The following VIPAS39 variants were observed in gnomAD, a reference collection of about 807,000 sequenced individuals.
The protein encoded by VIPAS39 is spermatogenesis-defective protein 39 homolog.
A neutral mutation model predicts 84.7 loss-of-function variants in VIPAS39; 63 were observed. The observed-to-expected ratio is 0.74, with a 90% CI of 0.61 to 0.92. VIPAS39 has a LOEUF of 0.92. Ranked by LOEUF, VIPAS39 falls within the 40% of genes least tolerant of loss-of-function variation. The probability of loss-of-function intolerance (pLI) is 0.00; values close to 1 mark genes in which losing one functional copy is unlikely to be tolerated. For synonymous variants in VIPAS39, 192 were observed against 216.5 expected (o/e 0.89, Z 0.99); for missense variants, 499 against 604.5 (o/e 0.83, Z 1.83).
In VIPAS39 at chr14:77,429,842, G is replaced by C. The variant is rs184535012; in HGVS notation, c.1180-75C>G. ...CATTCTAGGTTAGTCTATGTTTTAC[G>C]ATCAGACCAGAATAATGTGGTGGGT... On this transcript the variant is annotated intron_variant, in intron 16 of 19. Coordinates refer to ENST00000557658, the MANE Select transcript of VIPAS39 (RefSeq NM_001193315.2). The C allele has an allele frequency of 6.1e-6, 8 of 1,306,056 alleles. No individual in the cohort carries two copies. The East Asian group carries it at 1.6e-4, about 26-fold the overall frequency. 80.9% of individuals were successfully genotyped at this position (1,306,056 alleles called of 1,614,324 possible). A position where few individuals can be genotyped will look rare whatever the true frequency, so the allele number is the denominator to read the frequency against.
chr14:77,443,315 T>C (rs1042002203), intron 8 of VIPAS39, among the ~76,000 whole-genome samples, 163 bp from the exon 9 acceptor site: 3 of 152,196 alleles, frequency 2.0e-5, no homozygotes, highest in Admixed American at 2.0e-4. Flanking sequence ...AACTGAGCTG[T>C]GTCTTGAGAG....
intron 3 of VIPAS39, 112 bp from the exon 4 acceptor site, chr14:77,451,445 A>T: frequency 6.6e-7 from 1 of 1,512,466 alleles, no homozygotes; most frequent in East Asian, 2.3e-5. Context: ...CCCTTGGCCA[A>T]CTTGGGGCAG....
intron 15 of VIPAS39, 40 bp downstream of exon 15, chr14:77,434,222 C>T: frequency 1.9e-6 from 3 of 1,590,086 alleles, no homozygotes; most frequent in Non-Finnish European, 1.7e-6. Flanking sequence ...TGTAGTTACC[C>T]TGATCACTAG....
chr14:77,445,248 C>T (rs896772489), intron 7 of VIPAS39, among the ~76,000 whole-genome samples: 5 of 152,226 alleles, frequency 3.3e-5, no homozygotes, highest in Non-Finnish European at 7.3e-5. Context: ...CGTGAGCCAC[C>T]ATGCCCAGCC....
At chr14:77,440,806 C>T (rs1458238140) in intron 11 of VIPAS39, among the ~76,000 whole-genome samples, 1 of 152,196 alleles carries the variant, frequency 6.6e-6, no homozygotes, top group African/African-American at 2.4e-5. Flanking sequence ...GCAACCTCCC[C>T]ATCCCAGGTT....
intron 1 of VIPAS39, among the ~76,000 whole-genome samples, chr14:77,456,436 G>C (rs766040072): frequency 3.9e-5 from 6 of 152,216 alleles, no homozygotes; most frequent in Non-Finnish European, 7.3e-5. Flanking sequence ...ACACATGTCA[G>C]TTCATAAATC....
intron 6 of VIPAS39, 53 bp from the exon 7 acceptor site, chr14:77,448,603 A>G: frequency 6.3e-7 from 1 of 1,579,416 alleles, no homozygotes; most frequent in Non-Finnish European, 8.7e-7. Flanking sequence ...CAAATTTATC[A>G]GCATACCCGC....
chr14:77,457,165 C>G lies in VIPAS39; in HGVS notation c.-1+330G>C. ...ACAGGTGAGGCTTGTGAACTGAGACCAGGGAACAAGAGTTAAGCTAGGATG... is the reference window on the plus strand; with the variant it reads ...ACAGGTGAGGCTTGTGAACTGAGACGAGGGAACAAGAGTTAAGCTAGGATG... On this transcript the variant is annotated intron_variant, in intron 1 of 19. Coordinates refer to ENST00000557658, the MANE Select transcript of VIPAS39 (RefSeq NM_001193315.2). 2 of 1,448,022 alleles carry G rather than the reference C, an allele frequency of 1.4e-6. 1 individual carries two copies. Among genetic ancestry groups the G allele is most frequent in the East Asian group, 5.0e-5 (2 of 40,100 alleles). 89.7% of individuals were successfully genotyped at this position (1,448,022 alleles called of 1,614,324 possible).
rs769744188 is a variant in VIPAS39 at position 77,428,384 on chromosome 14, G to C, written c.1447C>G (p.Leu483Val). The change falls in exon 19 of 20, where the codon CTT (leucine) becomes GTT (valine). Residue 483 changes from leucine to valine, a missense_variant. By Grantham distance (32) the Leu-to-Val change is conservative. Coordinates refer to ENST00000557658, the MANE Select transcript of VIPAS39 (RefSeq NM_001193315.2). The part of the protein sequence containing the change: ...GSAEEEKIDA[L>V]LSSSQIRWKN ...TAGCTGCTCACCGAGCTGCTGAGAA[G>C]AGCATCAATCTTCTCCTCCTCTGCT... The C allele has an allele frequency of 6.2e-7, 1 of 1,613,878 alleles. No homozygotes were observed. The highest frequency in any genetic ancestry group is 1.1e-5 in the South Asian group (1 of 91,062).
At chr14:77,453,052 C>T (rs944107415) in intron 3 of VIPAS39, among the ~76,000 whole-genome samples, 8 of 152,074 alleles carry the variant, frequency 5.3e-5, no homozygotes, top group Non-Finnish European at 1.5e-5. Context: ...ACAAGCACCC[C>T]AAATGAGAAT....
At position 77,429,842 on chromosome 14, in the gene VIPAS39, G is replaced by T; in HGVS notation, c.1180-75C>A. ...CATTCTAGGTTAGTCTATGTTTTAC[G>T]ATCAGACCAGAATAATGTGGTGGGT... On this transcript the variant is annotated intron_variant, in intron 16 of 19. Coordinates refer to ENST00000557658, the MANE Select transcript of VIPAS39 (RefSeq NM_001193315.2). 3.1e-6 allele frequency: 4 copies of T among 1,306,056 alleles called. No homozygotes were observed. The Admixed American group carries it at 6.7e-5, about 22-fold the overall frequency. 80.9% of individuals were successfully genotyped at this position (1,306,056 alleles called of 1,614,324 possible).
chr14:77,429,909 T>A, intron 16 of VIPAS39, 142 bp from the exon 17 acceptor site: 1 of 781,528 alleles, frequency 1.3e-6, no homozygotes, highest in Non-Finnish European at 2.3e-6. Flanking sequence ...GAGAAATGAA[T>A]TTTTCAGAAA....
rs138988987 is a variant in VIPAS39, at chr14:77,444,416, T to C, written c.505-75A>G. 8.5e-3 allele frequency: 11,298 copies of C among 1,327,468 alleles called. 139 individuals carry two copies. The highest frequency in any genetic ancestry group is 0.038 in the South Asian group (3,058 of 81,334). The allele number at this position is 1,327,468 out of a possible 1,614,324, so 82.2% of individuals were successfully genotyped here. On this transcript the variant is annotated intron_variant, in intron 7 of 19. Coordinates refer to ENST00000557658, the MANE Select transcript of VIPAS39 (RefSeq NM_001193315.2). ...TCCTTTGTTGCTGGATACTAAAGAA[T>C]AAGCAATAATGAAACAAAATGTCCC...
At position 77,428,999 on chromosome 14, in the gene VIPAS39, G is replaced by A. The variant is rs754892263; in HGVS notation, c.1356+7C>T. ...TAACGGAGGACTCCCATTTCTTGGG[G>A]ACTCACATCAATGACGACATCATGG... On this transcript the variant is annotated splice_region_variant and intron_variant, in intron 18 of 19. Coordinates refer to ENST00000557658, the MANE Select transcript of VIPAS39 (RefSeq NM_001193315.2). 4 of 1,613,100 alleles carry A rather than the reference G, an allele frequency of 2.5e-6. No homozygotes were observed. Among genetic ancestry groups the A allele is most frequent in the Non-Finnish European group, 2.5e-6 (3 of 1,179,224 alleles).
At chr14:77,445,268 T>C (rs2078770520) in intron 7 of VIPAS39, among the ~76,000 whole-genome samples, 1 of 152,218 alleles carries the variant, frequency 6.6e-6, no homozygotes, top group African/African-American at 2.4e-5. Context: ...CAGTATCTCA[T>C]AGTTTCAACT....
At chr14:77,441,162 C>T (rs2078697464) in intron 10 of VIPAS39, 69 bp from the exon 11 acceptor site, 5 of 1,565,254 alleles carry the variant, frequency 3.2e-6, no homozygotes, top group South Asian at 1.1e-5. Context: ...CTCACAAAAT[C>T]GAGTGCCTCC....
At chr14:77,429,129 A>G in intron 17 of VIPAS39, 34 bp from the exon 18 acceptor site, 4 of 1,584,934 alleles carry the variant, frequency 2.5e-6, no homozygotes, top group Non-Finnish European at 3.5e-6. Context: ...TAATGATTCA[A>G]ACACCCATAA....
At chr14:77,441,272 C>A in intron 10 of VIPAS39, 179 bp from the exon 11 acceptor site, 1 of 679,374 alleles carries the variant, frequency 1.5e-6, no homozygotes, top group South Asian at 1.6e-5. Context: ...GAACAAAAAG[C>A]AAGGACAAGA....
intron 8 of VIPAS39, among the ~76,000 whole-genome samples, 175 bp from the exon 9 acceptor site, chr14:77,443,327 C>T (rs909601530): frequency 1.3e-5 from 2 of 152,190 alleles, no homozygotes; most frequent in African/African-American, 4.8e-5. Flanking sequence ...TCTTGAGAGT[C>T]CACACACCCG....
Sources: gnomAD v4.1 joint callset for allele counts (sites outside exome capture counted in the v4.1 genomes callset) on GRCh38, gnomAD v4.1.1 for gene constraint, MANE v1.5 for transcripts, NCBI Gene and HGNC (gene_info 2026-07-23, HGNC 2026-07-21) for gene names.